Variants in USP13 observed in about 807,000 individuals in gnomAD.
The protein encoded by USP13 is ubiquitin specific peptidase 13, also known as ubiquitin carboxyl-terminal hydrolase 13.
USP13 carries 68 observed loss-of-function variants against 107.8 expected under a neutral mutation model. The observed-to-expected ratio is 0.63, with a 90% CI of 0.52 to 0.77. The LOEUF (loss-of-function observed/expected upper bound fraction) is 0.77, where lower values mean the gene tolerates loss of function less well. Among genes scored for constraint, USP13 ranks in the 30% least tolerant of loss-of-function variants. USP13 has a pLI of 0.00. For missense variants in USP13, 945 were observed against 1,093.3 expected (o/e 0.86, Z 1.91); for synonymous variants, 377 against 389.5 (o/e 0.97, Z 0.38).
chr3:179,740,119 T>G (rs1485140728), intron 10 of USP13, 128 bp from the exon 11 acceptor site: 1 of 1,356,812 alleles, frequency 7.4e-7, no homozygotes, highest in Non-Finnish European at 1.0e-6. Context: ...CTATCATTAT[T>G]TACCTTCTTT....
At chr3:179,722,009 T>C (rs999828065) in intron 8 of USP13, among the ~76,000 whole-genome samples, 1 of 147,884 alleles carries the variant, frequency 6.8e-6, no homozygotes, top group African/African-American at 2.5e-5. Flanking sequence ...GAGGTTGCAG[T>C]GAGCCAAGAT....
intron 4 of USP13, among the ~76,000 whole-genome samples, chr3:179,706,114 A>G (rs56858861): frequency 0.18 from 27,294 of 151,970 alleles, 2,528 homozygotes; most frequent in Admixed American, 0.24. Flanking sequence ...TTGGATATAT[A>G]CCTATGGTAG....
intron 13 of USP13, among the ~76,000 whole-genome samples, chr3:179,751,849 G>A (rs965611518): frequency 4.6e-5 from 7 of 151,974 alleles, no homozygotes; most frequent in African/African-American, 1.7e-4. Context: ...TCAGCCTCCC[G>A]AGTGGGGATT....
chr3:179,665,043 C>T (rs555232549), intron 1 of USP13, among the ~76,000 whole-genome samples: 7 of 152,030 alleles, frequency 4.6e-5, no homozygotes, highest in African/African-American at 7.2e-5. Context: ...GCCAAGATCG[C>T]GCCATTGCAC....
At chr3:179,752,418 AT>A (rs751147737) in intron 14 of USP13, 45 bp downstream of exon 14, 94 of 1,446,664 alleles carry the variant, frequency 6.5e-5, no homozygotes, top group Non-Finnish European at 8.9e-5. Context: ...CAAATGAGCC[AT>A]TTAAACAACA....
chr3:179,751,367 AC>A (rs1228390813), intron 13 of USP13, among the ~76,000 whole-genome samples: 1 of 152,184 alleles, frequency 6.6e-6, no homozygotes, highest in Non-Finnish European at 1.5e-5. Flanking sequence ...TAATATGTCT[AC>A]CCCTAGGATC....
chr3:179,770,161 C>T (rs1384132429), intron 19 of USP13, among the ~76,000 whole-genome samples: 4 of 152,108 alleles, frequency 2.6e-5, no homozygotes, highest in Non-Finnish European at 5.9e-5. Context: ...TTGAGGTTGT[C>T]AGCTTTCTTT....
intron 1 of USP13, among the ~76,000 whole-genome samples, chr3:179,673,949 A>G (rs1306662601): frequency 6.6e-6 from 1 of 152,066 alleles, no homozygotes; most frequent in African/African-American, 2.4e-5. Flanking sequence ...CTGGAGTGCA[A>G]TGGCGCGATC....
rs1167552344 is a variant in USP13, at chr3:179,784,791, A to G, written c.*650A>G. The stretch of plus-strand genomic sequence containing the variant: ...AGACTTTTACTAGAAAAGTGAGTCC[A>G]CTAGAAAATCTGTGACAAGTTGGTT... On this transcript the variant is annotated 3_prime_UTR_variant, in exon 21 of 21. Coordinates refer to ENST00000263966, the MANE Select transcript of USP13 (RefSeq NM_003940.3). The G allele has an allele frequency of 6.6e-6, 1 of 152,242 alleles. No individual in the cohort carries two copies. Among genetic ancestry groups the G allele is most frequent in the Non-Finnish European group, 1.5e-5 (1 of 68,040 alleles). The allele number at this position is 152,242 out of a possible 1,614,324, so 9.4% of individuals were successfully genotyped here.
At position 179,713,290 on chromosome 3, in the gene USP13, G is replaced by A. The variant is rs570996230; in HGVS notation, c.805+4333G>A. Among the ~76,000 whole-genome samples the A allele has an allele frequency of 2.6e-5, 4 of 151,862 alleles. No individual in the cohort carries two copies. In the East Asian group the frequency reaches 7.7e-4, roughly 29 times the overall value. Reference sequence around the variant, plus strand: ...TCAGGCTTTGATTCCTGCGAATATTGTGCAGAGTCAGTTTTAATAAAAGTA... The same window carrying A: ...TCAGGCTTTGATTCCTGCGAATATTATGCAGAGTCAGTTTTAATAAAAGTA... On this transcript the variant is annotated intron_variant, in intron 6 of 20. Transcript: ENST00000263966.
chr3:179,708,547 C>T (rs1180105210), intron 5 of USP13, among the ~76,000 whole-genome samples: 1 of 152,098 alleles, frequency 6.6e-6, no homozygotes, highest in Admixed American at 6.5e-5. Context: ...AACTCCTGAC[C>T]TCAGTTGATG....
At chr3:179,775,053 G>T (rs1049515892) in intron 19 of USP13, among the ~76,000 whole-genome samples, 1 of 151,562 alleles carries the variant, frequency 6.6e-6, no homozygotes, top group Non-Finnish European at 1.5e-5. Flanking sequence ...TAGACACAGA[G>T]TGCTGATTGG....
intron 12 of USP13, among the ~76,000 whole-genome samples, chr3:179,743,926 G>GTTTTT (rs35286740): frequency 2.0e-3 from 248 of 126,224 alleles, no homozygotes; most frequent in African/African-American, 7.0e-3. Context: ...TAAATAAGGA[G>GTTTTT]TTTTTTTTTT....
chr3:179,728,982 A>AAGAGGG (rs111864317), intron 8 of USP13, among the ~76,000 whole-genome samples: 98,338 of 149,830 alleles, frequency 0.66, 33,106 homozygotes, highest in East Asian at 0.74. Flanking sequence ...GACGGAGAGG[A>AAGAGGG]AGAGGGAGAG....
chr3:179,695,131 A>G lies in USP13; in HGVS notation c.355+4830A>G, dbSNP rs115899520. Among the ~76,000 whole-genome samples, 766 of 152,332 alleles carry G rather than the reference A, an allele frequency of 5.0e-3. 3 individuals are homozygous for G. The highest frequency in any genetic ancestry group is 9.2e-3 in the Non-Finnish European group (626 of 68,028). On this transcript the variant is annotated intron_variant, in intron 3 of 20. Coordinates refer to ENST00000263966, the MANE Select transcript of USP13 (RefSeq NM_003940.3). ...CTGGGATTGTTTCCTCATGGAGAGGAAGATAACTCAGAGCTCTCTTGCAGT... is the reference window on the plus strand; with the variant it reads ...CTGGGATTGTTTCCTCATGGAGAGGGAGATAACTCAGAGCTCTCTTGCAGT...
chr3:179,781,999 A>G (rs1016362557), intron 20 of USP13, among the ~76,000 whole-genome samples, 176 bp downstream of exon 20: 1 of 151,956 alleles, frequency 6.6e-6, no homozygotes, highest in Non-Finnish European at 1.5e-5. Context: ...GGGAGGCTGA[A>G]TAGCTTGACC....
At chr3:179,689,114 T>A (rs1712007959) in intron 2 of USP13, among the ~76,000 whole-genome samples, 1 of 152,208 alleles carries the variant, frequency 6.6e-6, no homozygotes, top group South Asian at 2.1e-4. Context: ...GCAGAAAATG[T>A]GCAGCAAGGT....
chr3:179,751,708 T>G (rs557187433), intron 13 of USP13, among the ~76,000 whole-genome samples: 2 of 152,286 alleles, frequency 1.3e-5, no homozygotes, highest in East Asian at 3.9e-4. Flanking sequence ...AGTAACAATT[T>G]TGAAACAGGT....
chr3:179,759,272 C>T lies in USP13; in HGVS notation c.1949-1840C>T, dbSNP rs553939955. On this transcript the variant is annotated intron_variant, in intron 16 of 20. Transcript: ENST00000263966. ...CTGGGATTACAGGCGTGAGCCACCG[C>T]GCCCAGCCGGAATTATGTATTTCTG... is the stretch of plus-strand genomic sequence containing the variant. Among the ~76,000 whole-genome samples, 184 of 152,298 alleles carry T rather than the reference C, an allele frequency of 1.2e-3. 2 individuals carry two copies. In the South Asian group the frequency reaches 0.029, roughly 24 times the overall value.
Sources: gnomAD v4.1 joint callset for allele counts (sites outside exome capture counted in the v4.1 genomes callset) on GRCh38, gnomAD v4.1.1 for gene constraint, MANE v1.5 for transcripts, NCBI Gene and HGNC (gene_info 2026-07-23, HGNC 2026-07-21) for gene names.